PITPNB: variants seen among roughly 807,000 people sequenced by gnomAD.
The protein encoded by PITPNB is phosphatidylinositol transfer protein beta isoform.
Under a neutral mutation model 45.9 loss-of-function variants are expected in PITPNB, and 16 were observed. The observed-to-expected ratio is 0.35, with a 90% CI of 0.24 to 0.53. The LOEUF is 0.53. Among genes scored for constraint, PITPNB ranks in the 20% least tolerant of loss-of-function variants. PITPNB has a pLI of 0.93. For missense variants in PITPNB, 188 were observed against 330.5 expected (o/e 0.57, Z 3.34); for synonymous variants, 112 against 108.9 (o/e 1.03, Z -0.18).
chr22:27,865,401 T>C (rs1934455767), intron 8 of PITPNB, among the ~76,000 whole-genome samples: 1 of 152,246 alleles, frequency 6.6e-6, no homozygotes, highest in Non-Finnish European at 1.5e-5. Context: ...TTAAGATCTT[T>C]AATACGTAAC....
At chr22:27,894,489 G>T in intron 7 of PITPNB, 66 bp downstream of exon 7, 1 of 870,598 alleles carries the variant, frequency 1.1e-6, no homozygotes, top group Admixed American at 1.9e-5. Context: ...AATCCCAAAT[G>T]TGATAGTAGA....
chr22:27,884,623 T>C (rs1237236988), intron 7 of PITPNB, among the ~76,000 whole-genome samples: 2 of 152,180 alleles, frequency 1.3e-5, no homozygotes, highest in Non-Finnish European at 2.9e-5. Context: ...TAATGCTTGA[T>C]CTTGAACCAT....
At chr22:27,913,375 C>A (rs919901501) in intron 2 of PITPNB, among the ~76,000 whole-genome samples, 1 of 152,214 alleles carries the variant, frequency 6.6e-6, no homozygotes, top group African/African-American at 2.4e-5. Context: ...TGCTTCTAAT[C>A]TACTGTCAGC....
At chr22:27,875,233 G>T (rs192229129) in intron 7 of PITPNB, among the ~76,000 whole-genome samples, 1 of 152,356 alleles carries the variant, frequency 6.6e-6, no homozygotes, top group Non-Finnish European at 1.5e-5. Flanking sequence ...TAAGCTCAAA[G>T]TATTAAACAG....
chr22:27,882,403 A>G (rs2146379495), intron 7 of PITPNB, among the ~76,000 whole-genome samples: 1 of 152,338 alleles, frequency 6.6e-6, no homozygotes. Flanking sequence ...AAATTTCAAA[A>G]AACAGGTACT....
chr22:27,875,010 A>T (rs1417296348), intron 7 of PITPNB, among the ~76,000 whole-genome samples: 1 of 152,200 alleles, frequency 6.6e-6, no homozygotes, highest in African/African-American at 2.4e-5. Context: ...CAACAACAAA[A>T]CACGTTGAGA....
rs200445980 is a variant in PITPNB, at chr22:27,894,533, A to C, written c.456+22T>G. 83 of 1,225,970 alleles carry C rather than the reference A, an allele frequency of 6.8e-5. No individual in the cohort carries two copies. The East Asian group carries it at 1.9e-3, about 28-fold the overall frequency. The allele number at this position is 1,225,970 out of a possible 1,614,324, so 75.9% of individuals were successfully genotyped here. A position where few individuals can be genotyped will look rare whatever the true frequency, so the allele number is the denominator to read the frequency against. ...TTTAACTGTAAAAGGGAACAGATTA[A>C]ATGTCATTGAGTAATACTTACTGCT... On this transcript the variant is annotated intron_variant, in intron 7 of 11. Transcript: ENST00000335272.
intron 3 of PITPNB, among the ~76,000 whole-genome samples, chr22:27,908,543 A>C (rs1935828688): frequency 1.3e-5 from 2 of 152,170 alleles, no homozygotes; most frequent in South Asian, 4.1e-4. Flanking sequence ...CCAATAAAAA[A>C]TTTTATACAT....
intron 7 of PITPNB, among the ~76,000 whole-genome samples, chr22:27,890,177 T>C (rs894828044): frequency 1.3e-5 from 2 of 151,992 alleles, no homozygotes; most frequent in African/African-American, 2.4e-5. Flanking sequence ...AATGGGGGTC[T>C]GGTCCTAGCT....
intron 1 of PITPNB, among the ~76,000 whole-genome samples, chr22:27,916,288 G>C (rs765925795): frequency 1.3e-5 from 2 of 152,142 alleles, no homozygotes; most frequent in Non-Finnish European, 2.9e-5. Context: ...GAACATACAG[G>C]CTTTGATTTT....
intron 10 of PITPNB, among the ~76,000 whole-genome samples, chr22:27,856,147 A>G (rs1934165724): frequency 6.6e-6 from 1 of 152,226 alleles, no homozygotes; most frequent in Admixed American, 6.5e-5. Context: ...TTGTCTTAAA[A>G]TGTTTTTGAG....
intron 3 of PITPNB, among the ~76,000 whole-genome samples, chr22:27,909,563 A>G (rs1382053990): frequency 1.3e-5 from 2 of 152,190 alleles, no homozygotes; most frequent in Non-Finnish European, 2.9e-5. Flanking sequence ...AAAGAAATAC[A>G]AATTTTAACA....
At chr22:27,894,753 C>G in intron 6 of PITPNB, 115 bp from the exon 7 acceptor site, 1 of 525,134 alleles carries the variant, frequency 1.9e-6, no homozygotes, top group Admixed American at 3.2e-5. Flanking sequence ...TTAAAAGACC[C>G]AAATTATTAT....
At chr22:27,904,765 A>G (rs1569031623) in intron 3 of PITPNB, among the ~76,000 whole-genome samples, 1 of 152,190 alleles carries the variant, frequency 6.6e-6, no homozygotes, top group Non-Finnish European at 1.5e-5. Flanking sequence ...AGAAAAGAAG[A>G]TACAAGAGGA....
At chr22:27,861,024 G>GAA (rs35013749) in intron 8 of PITPNB, among the ~76,000 whole-genome samples, 6,878 of 57,648 alleles carry the variant, frequency 0.12, 358 homozygotes, top group East Asian at 0.24. Context: ...CCCATTTCTG[G>GAA]AAAAAAAAAA....
At chr22:27,911,941 C>T (rs376125535) in intron 2 of PITPNB, among the ~76,000 whole-genome samples, 31 of 152,256 alleles carry the variant, frequency 2.0e-4, no homozygotes, top group East Asian at 1.7e-3. Context: ...AATCTGGAGT[C>T]GCTAGTTCCA....
At chr22:27,872,121 T>G in intron 8 of PITPNB, among the ~76,000 whole-genome samples, 1 of 122,100 alleles carries the variant, frequency 8.2e-6, no homozygotes, top group African/African-American at 3.1e-5. Context: ...TGGGACGGAG[T>G]CTCACTCTGT....
chr22:27,904,364 A>T (rs2146415602), intron 3 of PITPNB, among the ~76,000 whole-genome samples: 1 of 152,362 alleles, frequency 6.6e-6, no homozygotes, highest in Admixed American at 6.5e-5. Flanking sequence ...AAGTGAAAGA[A>T]GTCAATCACG....
intron 3 of PITPNB, among the ~76,000 whole-genome samples, chr22:27,898,366 C>A (rs1471325085): frequency 6.6e-6 from 1 of 151,222 alleles, no homozygotes. Flanking sequence ...AAGAGCAAGA[C>A]CTTGTCTCAC....
Sources: gnomAD v4.1 joint callset for allele counts (sites outside exome capture counted in the v4.1 genomes callset) on GRCh38, gnomAD v4.1.1 for gene constraint, MANE v1.5 for transcripts, NCBI Gene and HGNC (gene_info 2026-07-23, HGNC 2026-07-21) for gene names.